Variants in NPRL3 observed in about 807,000 individuals in gnomAD.
NPRL3 encodes the protein GATOR1 complex protein NPRL3.
In NPRL3, 23 loss-of-function variants were observed where a neutral mutation model predicts 57.2. That is an observed-to-expected ratio of 0.40 (90% CI 0.29 to 0.57). The LOEUF is 0.57. NPRL3 is among the 20% of genes least tolerant of loss of function. NPRL3 has a pLI of 0.42. For synonymous variants in NPRL3, 333 were observed against 321.1 expected (o/e 1.04, Z -0.39); for missense variants, 691 against 767.1 (o/e 0.90, Z 1.17).
chr16:95,145 G>T (rs996783802), intron 9 of NPRL3, among the ~76,000 whole-genome samples: 1 of 151,872 alleles, frequency 6.6e-6, no homozygotes, highest in African/African-American at 2.4e-5. Context: ...AGCTCAACAG[G>T]ATGATCTTCC....
intron 7 of NPRL3, among the ~76,000 whole-genome samples, chr16:103,296 A>ATTTT (rs533871530): frequency 0.12 from 4,896 of 41,930 alleles, 1,378 homozygotes; most frequent in African/African-American, 0.14. Flanking sequence ...GCCTGGGGTG[A>ATTTT]TTTTTTTTTT....
chr16:96,438 C>A (rs1184798481), intron 9 of NPRL3, among the ~76,000 whole-genome samples: 1 of 152,036 alleles, frequency 6.6e-6, no homozygotes, highest in East Asian at 1.9e-4. Flanking sequence ...GTGGTGAGTT[C>A]TTTTAAAATT....
rs375417903 is a variant in NPRL3 at position 93,292 on chromosome 16, C to T, written c.958G>A (p.Gly320Ser). The T allele has an allele frequency of 1.9e-5, 29 of 1,559,672 alleles. No homozygotes were observed. Among genetic ancestry groups the T allele is most frequent in the Non-Finnish European group, 2.5e-5 (29 of 1,151,738 alleles). ...AGCGGGTAGATGATGATGGCCTTGC[C>T]CCAGTACACCAGATGAGCTGCAAGC... ...FQLAAHLVYW[G>S]KAIIIYPLCE... Residue 320 changes from glycine to serine, a missense_variant, in exon 10 of 14, where the codon GGC (glycine) becomes AGC (serine). Gly to Ser is a moderately conservative substitution (Grantham distance 56, BLOSUM62 0). Coordinates refer to ENST00000611875, the MANE Select transcript of NPRL3 (RefSeq NM_001077350.3).
At chr16:100,702 G>A (rs1330788537) in intron 7 of NPRL3, among the ~76,000 whole-genome samples, 193 bp from the exon 8 acceptor site, 2 of 127,912 alleles carry the variant, frequency 1.6e-5, no homozygotes, top group Non-Finnish European at 3.8e-5. Context: ...GGGCACGGTG[G>A]CTCATGCCTG....
At position 85,906 on chromosome 16, in the gene NPRL3, C is replaced by A; in HGVS notation, c.*799G>T. ...CCCATGTCTGGAGCTAGCTCTTCCT[C>A]CAGGACACGAGAGCTGGGGGCCTGA... On this transcript the variant is annotated 3_prime_UTR_variant, in exon 14 of 14. Coordinates refer to ENST00000611875, the MANE Select transcript of NPRL3 (RefSeq NM_001077350.3). 1 of 1,119,168 alleles carries A rather than the reference C, an allele frequency of 8.9e-7. No individual in the cohort carries two copies. 69.3% of individuals were successfully genotyped at this position (1,119,168 alleles called of 1,614,324 possible).
In NPRL3 at chr16:132,745, C is replaced by T. The variant is rs568580118; in HGVS notation, c.119-2154G>A. ...AGTGCAGTGGCGGGATCTCGGCTCA[C>T]TGCAAGCTCCGCCTCCCGGATTCAC... On this transcript the variant is annotated intron_variant, in intron 2 of 13. Transcript: ENST00000611875. Among the ~76,000 whole-genome samples the T allele has an allele frequency of 2.0e-5, 3 of 150,876 alleles. No individual in the cohort carries two copies. In the South Asian group the frequency reaches 6.3e-4, roughly 32 times the overall value.
At chr16:117,119 G>A (rs1196604685) in intron 5 of NPRL3, among the ~76,000 whole-genome samples, 182 bp downstream of exon 5, 2 of 152,170 alleles carry the variant, frequency 1.3e-5, no homozygotes, top group Non-Finnish European at 2.9e-5. Flanking sequence ...ATGACAAATA[G>A]TGTTATGTGT....
chr16:109,790 C>T (rs1324353133), intron 7 of NPRL3, among the ~76,000 whole-genome samples: 1 of 152,184 alleles, frequency 6.6e-6, no homozygotes, highest in Non-Finnish European at 1.5e-5. Context: ...AATGGGATCT[C>T]TGTGTAGCTT....
intron 7 of NPRL3, among the ~76,000 whole-genome samples, chr16:102,146 C>T (rs1454095528): frequency 6.6e-6 from 1 of 152,134 alleles, no homozygotes; most frequent in East Asian, 1.9e-4. Context: ...GTCATCCCCT[C>T]GGGGAACCAC....
At chr16:117,900 G>T (rs191581919) in intron 4 of NPRL3, among the ~76,000 whole-genome samples, 1 of 152,208 alleles carries the variant, frequency 6.6e-6, no homozygotes, top group Non-Finnish European at 1.5e-5. Context: ...AGGGGCACGG[G>T]GGAACTCTTC....
chr16:127,858 G>A (rs917852611), intron 3 of NPRL3, among the ~76,000 whole-genome samples: 20 of 151,106 alleles, frequency 1.3e-4, no homozygotes, highest in South Asian at 2.1e-4. Flanking sequence ...GTTTCACCGT[G>A]TTAGCCAGGA....
chr16:93,577 T>G (rs1898859366), intron 9 of NPRL3, among the ~76,000 whole-genome samples: 1 of 151,602 alleles, frequency 6.6e-6, no homozygotes, highest in Non-Finnish European at 1.5e-5. Context: ...TTTTTTTTTT[T>G]TTTTTTGGAG....
intron 11 of NPRL3, 22 bp downstream of exon 11, chr16:92,574 T>A (rs764733527): frequency 6.2e-7 from 1 of 1,611,026 alleles, no homozygotes; most frequent in South Asian, 1.1e-5. Flanking sequence ...CACTCTGGGC[T>A]CCTTGAGCTT....
At chr16:90,217 T>G in intron 11 of NPRL3, 1 of 362,230 alleles carries the variant, frequency 2.8e-6, no homozygotes, top group South Asian at 3.3e-5. Context: ...ACTGCTTCGC[T>G]GAGCAAACCC....
chr16:98,030 G>C, intron 9 of NPRL3, 115 bp downstream of exon 9: 1 of 1,324,718 alleles, frequency 7.5e-7, no homozygotes, highest in Non-Finnish European at 1.0e-6. Flanking sequence ...ATGGTGGGCT[G>C]TGCCGCGGCT....
At chr16:91,211 C>G (rs1898750444) in intron 11 of NPRL3, 1 of 151,876 alleles carries the variant, frequency 6.6e-6, no homozygotes, top group Non-Finnish European at 1.5e-5. Context: ...AACCCCGTCT[C>G]TACTAAAAAT....
intron 3 of NPRL3, among the ~76,000 whole-genome samples, chr16:122,931 T>C (rs1900344782): frequency 1.3e-5 from 2 of 152,210 alleles, no homozygotes; most frequent in African/African-American, 4.8e-5. Context: ...GGAGATGCAC[T>C]GTCAAGGGGA....
chr16:105,821 G>A (rs951754122), intron 7 of NPRL3, among the ~76,000 whole-genome samples: 2 of 152,206 alleles, frequency 1.3e-5, no homozygotes, highest in Admixed American at 6.5e-5. Context: ...ACAATTCAAT[G>A]GTCATATGAA....
rs938233838 is a variant in NPRL3, at chr16:138,347, G to A, written c.-67-13C>T. ...AGGCGGAGGGGGCCTGAGGAGGACG[G>A]AGCCGGAGGCGGAGGGGGCCTGAGG... On this transcript the variant is annotated splice_polypyrimidine_tract_variant and intron_variant, in intron 1 of 13. Transcript: ENST00000611875. The A allele has an allele frequency of 1.6e-5, 10 of 607,474 alleles. No individual in the cohort carries two copies. Among genetic ancestry groups the A allele is most frequent in the African/African-American group, 7.4e-5 (2 of 26,980 alleles). 37.6% of individuals were successfully genotyped at this position (607,474 alleles called of 1,614,324 possible). A position where few individuals can be genotyped will look rare whatever the true frequency, so the allele number is the denominator to read the frequency against.
Sources: allele counts gnomAD v4.1 joint callset (sites outside exome capture counted in the v4.1 genomes callset), GRCh38; gene constraint gnomAD v4.1.1; transcripts MANE v1.5; gene names NCBI Gene and HGNC (gene_info 2026-07-23, HGNC 2026-07-21).